LTBP1: variants seen among roughly 807,000 people sequenced by gnomAD.
LTBP1 encodes latent-transforming growth factor beta-binding protein 1.
Under a neutral mutation model 207.6 loss-of-function variants are expected in LTBP1, and 129 were observed. The observed-to-expected ratio is 0.62, with a 90% CI of 0.54 to 0.72. The LOEUF (loss-of-function observed/expected upper bound fraction) is 0.72. Among genes scored for constraint, LTBP1 ranks in the 30% least tolerant of loss-of-function variants. LTBP1 has a pLI of 0.00. For missense variants in LTBP1, 2,281 were observed against 2,217.2 expected, an observed-to-expected ratio of 1.03 and a Z score of -0.58; for synonymous variants, 963 against 833.7, an observed-to-expected ratio of 1.16 and a Z score of -2.67.
At chr2:33,099,088 A>G (rs887929751) in intron 3 of LTBP1, among the ~76,000 whole-genome samples, 1 of 152,226 alleles carries the variant, frequency 6.6e-6, no homozygotes, top group African/African-American at 2.4e-5. Context: ...TATTGGCTTT[A>G]GGGGAAAAAA....
intron 24 of LTBP1, among the ~76,000 whole-genome samples, chr2:33,339,118 G>A (rs901256229): frequency 1.3e-5 from 2 of 151,900 alleles, no homozygotes; most frequent in African/African-American, 4.8e-5. Context: ...TAGTAAAGAC[G>A]GCATGACAGG....
intron 20 of LTBP1, among the ~76,000 whole-genome samples, chr2:33,298,998 AG>A (rs2093933249): frequency 2.0e-5 from 3 of 152,158 alleles, no homozygotes; most frequent in Admixed American, 6.5e-5. Flanking sequence ...CTTTGCGGCT[AG>A]GTGTGGTGGC....
chr2:33,143,331 G>A (rs527872691), intron 5 of LTBP1, among the ~76,000 whole-genome samples: 2 of 152,312 alleles, frequency 1.3e-5, no homozygotes, highest in East Asian at 3.9e-4. Context: ...CACCTCCAGT[G>A]CCAGCACAGT....
chr2:33,359,338 A>G (rs2094900297), intron 26 of LTBP1, among the ~76,000 whole-genome samples: 1 of 152,226 alleles, frequency 6.6e-6, no homozygotes, highest in Non-Finnish European at 1.5e-5. Context: ...ATGAGTTTAT[A>G]TTTTAGAAAC....
At chr2:33,061,113 C>T (rs1035884443) in intron 3 of LTBP1, among the ~76,000 whole-genome samples, 1 of 151,998 alleles carries the variant, frequency 6.6e-6, no homozygotes, top group African/African-American at 2.4e-5. Flanking sequence ...ATAATTCAGT[C>T]TATATTTAGG....
chr2:33,127,445 C>T (rs1173735614), intron 4 of LTBP1, among the ~76,000 whole-genome samples: 3 of 152,054 alleles, frequency 2.0e-5, no homozygotes, highest in Non-Finnish European at 4.4e-5. Flanking sequence ...TCTGCCCTTC[C>T]TGTTGCTTTC....
chr2:33,066,888 A>G (rs561060504), intron 3 of LTBP1, among the ~76,000 whole-genome samples: 37 of 152,356 alleles, frequency 2.4e-4, no homozygotes, highest in Non-Finnish European at 4.7e-4. Context: ...CAGAGAAAAC[A>G]AAATTGTTTA....
rs899536115 is a variant in LTBP1, at chr2:32,950,949, T to C, written c.565+2004T>C. The stretch of plus-strand genomic sequence containing the variant: ...AAATCTTGGGGAATCTCTTCATGGC[T>C]TCCTGCTTCTGCAGGCAAGAGAGGC... On this transcript the variant is annotated intron_variant, in intron 2 of 33. Coordinates refer to ENST00000404816, the MANE Select transcript of LTBP1 (RefSeq NM_206943.4). Among the ~76,000 whole-genome samples, 4 of 152,238 alleles carry C rather than the reference T, an allele frequency of 2.6e-5. No homozygotes were observed. The East Asian group carries it at 7.7e-4, about 29-fold the overall frequency.
chr2:33,366,496 TC>T (rs2094989467), intron 31 of LTBP1, among the ~76,000 whole-genome samples: 1 of 152,236 alleles, frequency 6.6e-6, no homozygotes, highest in South Asian at 2.1e-4. Flanking sequence ...AATTGGGAAT[TC>T]CCGTAAGAAG....
rs202088692 is a variant in LTBP1 at position 33,365,394 on chromosome 2, C to T, written c.4602C>T (p.Tyr1534=). 93 of 1,614,030 alleles carry T rather than the reference C, an allele frequency of 5.8e-5. No homozygotes were observed. Among genetic ancestry groups the T allele is most frequent in the Admixed American group, 8.3e-5 (5 of 59,988 alleles). Reference sequence around the variant, plus strand: ...GCTGGGAACATCTGAGTGATGAATACGTGTGTAGCCGGCCTCTTGTGGGCA... The same window carrying T: ...GCTGGGAACATCTGAGTGATGAATATGTGTGTAGCCGGCCTCTTGTGGGCA... ...DLCWEHLSDE[Y]VCSRPLVGKQ... is the part of the protein sequence containing the mutation. Residue 1534 remains tyrosine (Y), a synonymous_variant, in exon 31 of 34, where the codon TAC becomes TAT. Transcript: ENST00000404816.
chr2:33,113,590 G>A (rs2080543557), intron 4 of LTBP1, among the ~76,000 whole-genome samples: 1 of 152,194 alleles, frequency 6.6e-6, no homozygotes, highest in Admixed American at 6.5e-5. Context: ...CCTGTCCAAT[G>A]TGTACACACT....
rs1307631927 is a variant in LTBP1 at position 33,266,635 on chromosome 2, C to T, written c.2617+3243C>T. Among the ~76,000 whole-genome samples the T allele has an allele frequency of 2.6e-5, 4 of 152,118 alleles. No individual in the cohort carries two copies. The East Asian group carries it at 7.7e-4, about 29-fold the overall frequency. On this transcript the variant is annotated intron_variant, in intron 15 of 33. Coordinates refer to ENST00000404816, the MANE Select transcript of LTBP1 (RefSeq NM_206943.4). Reference sequence around the variant, plus strand: ...GAGCCCATAAAAACCCTGGACTCAGCCAAACTCACACAGATGTCAGGAGTA... The same window carrying T: ...GAGCCCATAAAAACCCTGGACTCAGTCAAACTCACACAGATGTCAGGAGTA...
chr2:33,379,768 A>T (rs184913777), intron 31 of LTBP1, among the ~76,000 whole-genome samples: 2 of 152,356 alleles, frequency 1.3e-5, no homozygotes, highest in Admixed American at 6.5e-5. Flanking sequence ...CATTTTCATG[A>T]CTAGTCATTG....
chr2:32,952,518 C>T (rs1231876151), intron 2 of LTBP1, among the ~76,000 whole-genome samples: 1 of 152,200 alleles, frequency 6.6e-6, no homozygotes. Context: ...GAGAGATGGA[C>T]CACATTTGTG....
At chr2:33,357,799 G>A (rs1432902875) in intron 26 of LTBP1, among the ~76,000 whole-genome samples, 1 of 152,186 alleles carries the variant, frequency 6.6e-6, no homozygotes, top group Non-Finnish European at 1.5e-5. Flanking sequence ...CATGAGATAT[G>A]TAGTACAGCT....
At chr2:33,276,588 C>T (rs988705226) in intron 18 of LTBP1, among the ~76,000 whole-genome samples, 30 of 152,232 alleles carry the variant, frequency 2.0e-4, no homozygotes, top group African/African-American at 6.3e-4. Flanking sequence ...CGGTGGCTCA[C>T]GCCTGCAATC....
chr2:33,388,780 GC>G (rs375226938), intron 31 of LTBP1, among the ~76,000 whole-genome samples: 236 of 152,222 alleles, frequency 1.6e-3, no homozygotes, highest in Middle Eastern at 0.014. Context: ...GAGCGAAAAA[GC>G]ACCTCTCTGT....
Position 33,275,026 on chromosome 2 carries a change from G to A in LTBP1, c.2805G>A (p.Glu935=), listed in dbSNP as rs1193535340. The A allele has an allele frequency of 6.2e-7, 1 of 1,614,098 alleles. No individual in the cohort carries two copies. The highest frequency in any genetic ancestry group is 8.5e-7 in the Non-Finnish European group (1 of 1,179,980). ...LCSQGRCENT[E]GSFLCICPAG... The stretch of plus-strand genomic sequence containing the variant: ...CCCAGGGCCGCTGTGAAAACACCGA[G>A]GGAAGTTTCTTGTGCATTTGCCCAG... Residue 935 remains glutamate, a synonymous_variant, in exon 17 of 34, where the codon GAG becomes GAA. Coordinates refer to ENST00000404816, the MANE Select transcript of LTBP1 (RefSeq NM_206943.4).
chr2:33,015,251 T>C (rs1688214149), intron 2 of LTBP1, among the ~76,000 whole-genome samples: 2 of 152,240 alleles, frequency 1.3e-5, no homozygotes, highest in African/African-American at 2.4e-5. Context: ...TTGCAGAGTT[T>C]ACTTGAATTT....
Sources: allele counts gnomAD v4.1 joint callset (sites outside exome capture counted in the v4.1 genomes callset), GRCh38; gene constraint gnomAD v4.1.1; transcripts MANE v1.5; gene names NCBI Gene and HGNC (gene_info 2026-07-23, HGNC 2026-07-21).